The following ZNF670 variants were observed in gnomAD, a reference collection of about 807,000 sequenced individuals.
ZNF670 encodes the protein zinc finger protein 670.
A neutral mutation model predicts 10.9 loss-of-function variants in ZNF670; 7 were observed. That is an observed-to-expected ratio of 0.64 (90% confidence interval 0.36 to 1.20). The LOEUF (loss-of-function observed/expected upper bound fraction) is 1.20. Ranked by LOEUF, ZNF670 falls within the 50% of genes most tolerant of loss-of-function variation. The pLI, the probability that ZNF670 is intolerant of heterozygous loss-of-function variation, is 0.02. For missense variants in ZNF670, 446 were observed against 458.6 expected, an observed-to-expected ratio of 0.97 and a Z score of 0.25; for synonymous variants, 136 against 152.7, an observed-to-expected ratio of 0.89 and a Z score of 0.81.
intron 1 of ZNF670, among the ~76,000 whole-genome samples, chr1:247,076,672 T>A (rs1198121700): frequency 2.0e-5 from 3 of 150,798 alleles, no homozygotes; most frequent in Non-Finnish European, 4.4e-5. Flanking sequence ...TTTTTTTTTT[T>A]CTTTTTCAAA....
intron 1 of ZNF670, among the ~76,000 whole-genome samples, chr1:247,044,784 C>A (rs945772285): frequency 6.6e-6 from 1 of 152,030 alleles, no homozygotes; most frequent in Non-Finnish European, 1.5e-5. Context: ...ATGGGAGCAA[C>A]AGACACTGGG....
chr1:247,043,382 TAAAA>T, intron 1 of ZNF670: 1 of 540,366 alleles, frequency 1.9e-6, no homozygotes, highest in Non-Finnish European at 3.4e-6. Flanking sequence ...GTCAAGATGT[TAAAA>T]AGAAAGTTCA....
rs1037703626 is a variant in ZNF670 at position 247,061,637 on chromosome 1, A to T, written c.3+16957T>A. 5.9e-5 allele frequency among the ~76,000 whole-genome samples: 9 copies of T among 152,324 alleles called. No individual in the cohort carries two copies. The South Asian group carries it at 1.9e-3, about 32-fold the overall frequency. The stretch of plus-strand genomic sequence containing the variant: ...AAGGAGACTGAGCTCCCCATAACGT[A>T]GGCTCTTCCACGTAGTTACAGCATT... On this transcript the variant is annotated intron_variant, in intron 1 of 3. Transcript: ENST00000366503.
rs1454938464 is a variant in ZNF670, at chr1:247,072,797, AGTGTG to A, written c.3+5792_3+5796del. Among the ~76,000 whole-genome samples, 96 of 81,174 alleles carry A rather than the reference AGTGTG, an allele frequency of 1.2e-3. 3 individuals carry two copies. The highest frequency in any genetic ancestry group is 3.6e-3 in the African/African-American group (87 of 24,078). The allele number at this position is 81,174 out of a possible 152,430, so 53.3% of individuals were successfully genotyped here. A position where few individuals can be genotyped will look rare whatever the true frequency, so the allele number is the denominator to read the frequency against. The stretch of plus-strand genomic sequence containing the variant: ...AACGAAACTCTGTCTCAAAAAAAAA[AGTGTG>A]TGTATATATATATATATATATATAT... On this transcript the variant is annotated intron_variant, in intron 1 of 3. Transcript: ENST00000366503.
intron 1 of ZNF670, among the ~76,000 whole-genome samples, chr1:247,066,977 C>T (rs1670994692): frequency 6.6e-6 from 1 of 152,120 alleles, no homozygotes; most frequent in African/African-American, 2.4e-5. Context: ...CAGATCAAAC[C>T]AATTTAAATC....
chr1:247,072,230 A>T lies in ZNF670; in HGVS notation c.3+6364T>A, dbSNP rs569757540. ...CAATGGTGCAATTACAGCTCACTGC[A>T]GCCTGGAACTCTGAGGCTCAAGTGA... is the stretch of plus-strand genomic sequence containing the variant. On this transcript the variant is annotated intron_variant, in intron 1 of 3. Transcript: ENST00000366503. 7.3e-5 allele frequency among the ~76,000 whole-genome samples: 11 copies of T among 151,298 alleles called. No individual in the cohort carries two copies. In the South Asian group the frequency reaches 2.1e-3, roughly 29 times the overall value.
At chr1:247,070,191 G>C (rs1359850367) in intron 1 of ZNF670, among the ~76,000 whole-genome samples, 2 of 152,058 alleles carry the variant, frequency 1.3e-5, no homozygotes, top group African/African-American at 2.4e-5. Flanking sequence ...CTTAAATGTG[G>C]CCAGGCATGG....
intron 1 of ZNF670, among the ~76,000 whole-genome samples, chr1:247,055,638 C>G (rs1670697000): frequency 6.6e-6 from 1 of 152,196 alleles, no homozygotes; most frequent in African/African-American, 2.4e-5. Context: ...ATTGGTGAGA[C>G]TGTAACAATA....
chr1:247,074,306 A>AC (rs1671202510), intron 1 of ZNF670, among the ~76,000 whole-genome samples: 4 of 151,920 alleles, frequency 2.6e-5, no homozygotes, highest in Admixed American at 2.6e-4. Flanking sequence ...GCCTGAGCCA[A>AC]CATACAACCC....
intron 1 of ZNF670, among the ~76,000 whole-genome samples, chr1:247,056,061 A>G (rs1332475764): frequency 3.3e-5 from 5 of 151,970 alleles, no homozygotes; most frequent in Non-Finnish European, 7.4e-5. Context: ...CCCCAAAACA[A>G]TAACAGCTAT....
intron 2 of ZNF670, among the ~76,000 whole-genome samples, chr1:247,039,095 G>T (rs772803270): frequency 1.8e-4 from 17 of 96,060 alleles, no homozygotes; most frequent in Non-Finnish European, 3.4e-4. Flanking sequence ...TTGTTTCTTC[G>T]TTGACCAGGC....
chr1:247,065,604 T>C (rs1388080684), intron 1 of ZNF670, among the ~76,000 whole-genome samples: 1 of 152,178 alleles, frequency 6.6e-6, no homozygotes, highest in Admixed American at 6.5e-5. Context: ...GTGCAGAGTA[T>C]GTTTAAAGGG....
chr1:247,045,658 T>C (rs564915743), intron 1 of ZNF670, among the ~76,000 whole-genome samples: 1 of 152,080 alleles, frequency 6.6e-6, no homozygotes, highest in Non-Finnish European at 1.5e-5. Context: ...AATGGAAAAA[T>C]GGAATAATAC....
At chr1:247,067,590 C>T (rs1671014843) in intron 1 of ZNF670, among the ~76,000 whole-genome samples, 2 of 150,710 alleles carry the variant, frequency 1.3e-5, no homozygotes, top group African/African-American at 4.9e-5. Context: ...CGCCTGTAAT[C>T]CCAGCACTTT....
chr1:247,043,019 A>G, intron 1 of ZNF670: 1 of 829,936 alleles, frequency 1.2e-6, no homozygotes, highest in Non-Finnish European at 2.1e-6. Context: ...AATCCATACA[A>G]GATTGATATA....
intron 1 of ZNF670, among the ~76,000 whole-genome samples, chr1:247,075,767 G>A (rs1230314022): frequency 6.6e-6 from 1 of 152,054 alleles, no homozygotes; most frequent in Non-Finnish European, 1.5e-5. Context: ...CTTATAAATT[G>A]TCCAGCCTCA....
chr1:247,078,517 G>A (rs1186501878), intron 1 of ZNF670, 77 bp downstream of exon 1: 3 of 1,588,176 alleles, frequency 1.9e-6, no homozygotes, highest in Admixed American at 1.7e-5. Context: ...GGCACCGCGG[G>A]GAGGTCCGGG....
At chr1:247,072,804 G>GTATGCATATA (rs1553323550) in intron 1 of ZNF670, among the ~76,000 whole-genome samples, 1 of 47,664 alleles carries the variant, frequency 2.1e-5, no homozygotes, top group East Asian at 1.5e-3. Flanking sequence ...AAAAGTGTGT[G>GTATGCATATA]TATATATATA....
At chr1:247,078,528 T>C (rs373766025) in intron 1 of ZNF670, 66 bp downstream of exon 1, 118 of 1,605,810 alleles carry the variant, frequency 7.3e-5, no homozygotes, top group Non-Finnish European at 1.7e-5. Context: ...GAGGTCCGGG[T>C]TCGCCACAAC....
Sources: allele counts gnomAD v4.1 joint callset (sites outside exome capture counted in the v4.1 genomes callset), GRCh38; gene constraint gnomAD v4.1.1; transcripts MANE v1.5; gene names NCBI Gene and HGNC (gene_info 2026-07-23, HGNC 2026-07-21).